The following CCDC62 variants were observed in gnomAD, a reference collection of about 807,000 sequenced individuals.
The protein encoded by CCDC62 is coiled-coil domain containing 62, also known as coiled-coil domain-containing protein 62.
In CCDC62, 72 loss-of-function variants were observed where a neutral mutation model predicts 80.8. That is an observed-to-expected ratio of 0.89 (90% confidence interval 0.74 to 1.08). The LOEUF (loss-of-function observed/expected upper bound fraction) is 1.08. CCDC62 is among the 50% of genes least tolerant of loss of function. CCDC62 has a pLI of 0.00. For missense variants in CCDC62, 704 were observed against 809.4 expected, an observed-to-expected ratio of 0.87 and a Z score of 1.58; for synonymous variants, 286 against 296.5, an observed-to-expected ratio of 0.96 and a Z score of 0.36.
chr12:122,774,914 C>G (rs1296504451), intron 1 of CCDC62, among the ~76,000 whole-genome samples: 2 of 151,026 alleles, frequency 1.3e-5, no homozygotes, highest in Non-Finnish European at 3.0e-5. Context: ...ACAGTGAAAC[C>G]CCGTCTCTAC....
rs755108973 is a variant in CCDC62 at position 122,781,174 on chromosome 12, T to G, written c.240T>G (p.His80Gln). The change falls in exon 3 of 13, where the codon CAT (histidine) becomes CAG (glutamine). Residue 80 changes from histidine to glutamine, a missense_variant. Physicochemically the swap from His to Gln is conservative, Grantham distance 24. Transcript: ENST00000253079. ...ERCSKLEGEL[H>Q]KRTEIIRSLT... ...ATGAACTTCCCTCAGGTGAACTACA[T>G]AAAAGAACTGAAATAATCAGGTCAC... The G allele has an allele frequency of 1.2e-6, 2 of 1,612,796 alleles. No homozygotes were observed. The highest frequency in any genetic ancestry group is 2.2e-5 in the South Asian group (2 of 90,912).
intron 10 of CCDC62, among the ~76,000 whole-genome samples, chr12:122,808,116 G>A (rs976240131): frequency 6.6e-6 from 1 of 152,090 alleles, no homozygotes; most frequent in Admixed American, 6.6e-5. Flanking sequence ...GGCCAGCATG[G>A]TGAAATCCCC....
chr12:122,788,730 G>T, intron 4 of CCDC62, 28 bp from the exon 5 acceptor site: 1 of 1,398,398 alleles, frequency 7.2e-7, no homozygotes, highest in Non-Finnish European at 9.8e-7. Flanking sequence ...AAGAATCTAG[G>T]ATAACCATTT....
intron 1 of CCDC62, among the ~76,000 whole-genome samples, chr12:122,776,028 CT>C (rs11355613): frequency 0.063 from 9,611 of 152,250 alleles, 1,054 homozygotes; most frequent in African/African-American, 0.22. Context: ...TAAAGTAACA[CT>C]TTTAGTTGTT....
chr12:122,785,780 A>G lies in CCDC62; in HGVS notation c.458A>G (p.Gln153Arg). 1.2e-6 allele frequency: 2 copies of G among 1,613,818 alleles called. No homozygotes were observed. Among genetic ancestry groups the G allele is most frequent in the Non-Finnish European group, 1.7e-6 (2 of 1,179,686 alleles). Residue 153 changes from glutamine to arginine, a missense_variant, in exon 4 of 13, where the codon CAA becomes CGA. Gln to Arg is a conservative substitution (Grantham distance 43). Transcript: ENST00000253079. ...CTTTCTGCCCAGGTAGGACAGCTAC[A>G]AGCTCGAGAACAAGCTCTTACGACA... ...VELSAQVGQL[Q>R]AREQALTTMI...
intron 11 of CCDC62, among the ~76,000 whole-genome samples, chr12:122,821,588 T>C (rs1045634101): frequency 6.6e-6 from 1 of 151,884 alleles, no homozygotes; most frequent in Non-Finnish European, 1.5e-5. Context: ...TATCTGGGAG[T>C]ACAGGTGTTT....
intron 10 of CCDC62, among the ~76,000 whole-genome samples, chr12:122,811,445 A>C (rs1198798428): frequency 6.6e-6 from 1 of 150,770 alleles, no homozygotes; most frequent in Non-Finnish European, 1.5e-5. Flanking sequence ...TCCCAACCTC[A>C]GGTGATCTGC....
chr12:122,816,184 G>A (rs560336073), intron 11 of CCDC62, among the ~76,000 whole-genome samples: 1 of 152,170 alleles, frequency 6.6e-6, no homozygotes, highest in Non-Finnish European at 1.5e-5. Flanking sequence ...ACTTTTCAAA[G>A]TGGAAACCGT....
At chr12:122,811,228 T>C (rs1356644965) in intron 10 of CCDC62, among the ~76,000 whole-genome samples, 2 of 147,044 alleles carry the variant, frequency 1.4e-5, no homozygotes, top group South Asian at 2.1e-4. Context: ...TTTTTTTTTT[T>C]CAGACGGAGT....
At chr12:122,798,944 G>A (rs1287411652) in intron 8 of CCDC62, among the ~76,000 whole-genome samples, 1 of 151,690 alleles carries the variant, frequency 6.6e-6, no homozygotes. Context: ...GCCAGGCATG[G>A]TGGCAGGCGC....
chr12:122,777,178 G>C (rs772266907), intron 1 of CCDC62: 3 of 240,866 alleles, frequency 1.2e-5, no homozygotes, highest in Admixed American at 5.2e-5. Flanking sequence ...CAGAGAAAAG[G>C]GTTGTTGGCA....
intron 9 of CCDC62, among the ~76,000 whole-genome samples, chr12:122,802,201 T>C (rs1423056924): frequency 6.6e-6 from 1 of 152,102 alleles, no homozygotes; most frequent in Non-Finnish European, 1.5e-5. Flanking sequence ...CCCTAGAGCA[T>C]TCCTCACCCC....
At chr12:122,775,805 G>A (rs1450934073) in intron 1 of CCDC62, among the ~76,000 whole-genome samples, 1 of 152,178 alleles carries the variant, frequency 6.6e-6, no homozygotes, top group Admixed American at 6.6e-5. Context: ...TAGAGACAGG[G>A]TTTCGCCATG....
intron 4 of CCDC62, among the ~76,000 whole-genome samples, chr12:122,786,459 T>C (rs2030241495): frequency 6.6e-6 from 1 of 151,986 alleles, no homozygotes; most frequent in African/African-American, 2.4e-5. Context: ...GAGGTTTTTT[T>C]AATGGAGAGA....
chr12:122,818,101 A>G (rs536571322), intron 11 of CCDC62, among the ~76,000 whole-genome samples: 1 of 152,208 alleles, frequency 6.6e-6, no homozygotes, highest in African/African-American at 2.4e-5. Flanking sequence ...TGAGGGCAGG[A>G]GTTCAAGTTC....
intron 7 of CCDC62, 77 bp downstream of exon 7, chr12:122,797,472 C>T (rs867946378): frequency 1.9e-5 from 15 of 775,626 alleles, no homozygotes; most frequent in African/African-American, 1.6e-4. Flanking sequence ...AATGTATGCC[C>T]GTCGATTTTG....
At chr12:122,786,182 C>T (rs992837704) in intron 4 of CCDC62, among the ~76,000 whole-genome samples, 1 of 148,590 alleles carries the variant, frequency 6.7e-6, no homozygotes, top group African/African-American at 2.6e-5. Context: ...GAGTCTCGCT[C>T]TGTGGCCCAG....
chr12:122,785,885 C>A, intron 4 of CCDC62, 65 bp downstream of exon 4: 1 of 1,077,484 alleles, frequency 9.3e-7, no homozygotes, highest in Non-Finnish European at 1.4e-6. Context: ...TATTCATTAT[C>A]TTACCTAAGT....
intron 2 of CCDC62, among the ~76,000 whole-genome samples, chr12:122,779,100 A>C (rs1164609037): frequency 6.6e-6 from 1 of 152,252 alleles, no homozygotes; most frequent in East Asian, 1.9e-4. Flanking sequence ...TGTAGCCATC[A>C]GTATTTGATT....
Sources: allele counts gnomAD v4.1 joint callset (sites outside exome capture counted in the v4.1 genomes callset), GRCh38; gene constraint gnomAD v4.1.1; transcripts MANE v1.5; gene names NCBI Gene and HGNC (gene_info 2026-07-23, HGNC 2026-07-21).